TENM3: variants seen among roughly 807,000 people sequenced by gnomAD.
TENM3 encodes the protein teneurin transmembrane protein 3.
Under a neutral mutation model 255.1 loss-of-function variants are expected in TENM3, and 63 were observed. The observed-to-expected ratio is 0.25, with a 90% CI of 0.20 to 0.30. The LOEUF (loss-of-function observed/expected upper bound fraction) is 0.30, where lower values mean the gene tolerates loss of function less well. Ranked by LOEUF, TENM3 falls within the 10% of genes least tolerant of loss-of-function variation. The pLI is 1.00. For synonymous variants in TENM3, 1,306 were observed against 1,322.3 expected (o/e 0.99, Z 0.27); for missense variants, 2,929 against 3,461.1 (o/e 0.85, Z 3.86).
intron 3 of TENM3, among the ~76,000 whole-genome samples, chr4:182,416,672 A>G (rs1580464854): frequency 1.3e-5 from 2 of 152,324 alleles, no homozygotes; most frequent in East Asian, 1.9e-4. Context: ...TTGGGGTCAC[A>G]ATTGGCTTCC....
At chr4:182,250,087 C>G (rs1189925440) in intron 1 of TENM3, among the ~76,000 whole-genome samples, 1 of 136,944 alleles carries the variant, frequency 7.3e-6, no homozygotes, top group East Asian at 2.1e-4. Context: ...GAGTCTTGCT[C>G]TGTCGCCCAG....
the TENM3 span, among the ~76,000 whole-genome samples, chr4:181,713,883 A>G: frequency 6.6e-6 from 1 of 152,184 alleles, no homozygotes; most frequent in Non-Finnish European, 1.5e-5. Flanking sequence ...ACCCTTAGCC[A>G]AGCCAGCGTT....
intron 23 of TENM3, chr4:182,774,025 C>T (rs1764479457): frequency 6.2e-6 from 1 of 160,826 alleles, no homozygotes; most frequent in Admixed American, 6.4e-5. Flanking sequence ...ATATGTGATG[C>T]AGTATTTTAA....
At chr4:181,962,912 A>G in the TENM3 span, among the ~76,000 whole-genome samples, 5 of 152,228 alleles carry the variant, frequency 3.3e-5, no homozygotes, top group East Asian at 1.9e-4. Context: ...ACATCTATCT[A>G]TTGAGTGATT....
At chr4:181,507,551 C>T in the TENM3 span, among the ~76,000 whole-genome samples, 5 of 152,218 alleles carry the variant, frequency 3.3e-5, no homozygotes, top group African/African-American at 9.6e-5. Context: ...GACACCAAGT[C>T]ATTTTTTATA....
chr4:181,941,023 G>C, the TENM3 span, among the ~76,000 whole-genome samples: 1 of 152,198 alleles, frequency 6.6e-6, no homozygotes, highest in Non-Finnish European at 1.5e-5. Flanking sequence ...TGGTTATCAG[G>C]CTGAATAACT....
chr4:181,547,471 A>C, the TENM3 span, among the ~76,000 whole-genome samples: 1 of 152,138 alleles, frequency 6.6e-6, no homozygotes, highest in African/African-American at 2.4e-5. Context: ...AAAAATTCCA[A>C]AAAGTTGAAA....
chr4:181,815,469 A>AAAAAAAAG, the TENM3 span, among the ~76,000 whole-genome samples: 1 of 151,678 alleles, frequency 6.6e-6, no homozygotes, highest in African/African-American at 2.4e-5. Context: ...TATCAAAAAA[A>AAAAAAAAG]AAAAAAAAAA....
At chr4:182,719,241 C>CTTTTTTT in intron 13 of TENM3, among the ~76,000 whole-genome samples, 1 of 83,304 alleles carries the variant, frequency 1.2e-5, no homozygotes, top group Non-Finnish European at 2.5e-5. Flanking sequence ...AAATAGAGTT[C>CTTTTTTT]TTTTTTTTTT....
chr4:181,735,997 T>C, the TENM3 span, among the ~76,000 whole-genome samples: 161 of 152,296 alleles, frequency 1.1e-3, no homozygotes, highest in African/African-American at 3.8e-3. Flanking sequence ...TCTTATAACA[T>C]ATTCTAATAA....
intron 12 of TENM3, among the ~76,000 whole-genome samples, chr4:182,693,235 T>G (rs1378949913): frequency 2.0e-5 from 3 of 152,204 alleles, no homozygotes; most frequent in African/African-American, 7.2e-5. Flanking sequence ...CTTACAAAAG[T>G]CAGTGTAAGA....
chr4:182,701,113 C>G (rs1409153722), intron 12 of TENM3, among the ~76,000 whole-genome samples: 4 of 149,186 alleles, frequency 2.7e-5, no homozygotes, highest in Admixed American at 1.3e-4. Flanking sequence ...CATAAGCAAT[C>G]TAATTGTGAA....
chr4:181,560,071 C>G, the TENM3 span, among the ~76,000 whole-genome samples: 2 of 152,146 alleles, frequency 1.3e-5, no homozygotes, highest in Admixed American at 1.3e-4. Context: ...ACAGAATACC[C>G]TAGACTGGAT....
chr4:182,031,294 C>A, the TENM3 span, among the ~76,000 whole-genome samples: 1 of 152,136 alleles, frequency 6.6e-6, no homozygotes, highest in Non-Finnish European at 1.5e-5. Context: ...CTCTCAGCAC[C>A]ATTTATTAAA....
chr4:181,529,350 C>T, the TENM3 span, among the ~76,000 whole-genome samples: 5 of 152,276 alleles, frequency 3.3e-5, no homozygotes, highest in African/African-American at 7.2e-5. Flanking sequence ...TGCTCTTGGG[C>T]GATGACAGTG....
intron 3 of TENM3, among the ~76,000 whole-genome samples, chr4:182,594,412 G>A (rs987771960): frequency 6.6e-6 from 1 of 152,042 alleles, no homozygotes; most frequent in Non-Finnish European, 1.5e-5. Flanking sequence ...TCTGTCCCAG[G>A]TACTCAGGAA....
At chr4:182,218,543 G>A (rs1446754823) in intron 1 of TENM3, among the ~76,000 whole-genome samples, 6 of 152,114 alleles carry the variant, frequency 3.9e-5, no homozygotes, top group South Asian at 4.1e-4. Context: ...GATAAATCAT[G>A]TGCTTAAAAT....
chr4:181,980,784 T>A, the TENM3 span, among the ~76,000 whole-genome samples: 5 of 152,214 alleles, frequency 3.3e-5, no homozygotes, highest in African/African-American at 1.2e-4. Flanking sequence ...TCCTTTACTG[T>A]TATTTAAGAC....
chr4:182,067,610 G>C, the TENM3 span, among the ~76,000 whole-genome samples: 2 of 152,152 alleles, frequency 1.3e-5, no homozygotes, highest in South Asian at 2.1e-4. Flanking sequence ...GAAACCCCAA[G>C]TGGGCTTTTA....
Sources: allele counts gnomAD v4.1 joint callset (sites outside exome capture counted in the v4.1 genomes callset), GRCh38; gene constraint gnomAD v4.1.1; transcripts MANE v1.5; gene names NCBI Gene and HGNC (gene_info 2026-07-23, HGNC 2026-07-21).